Variants in WDR1 observed in about 807,000 individuals in gnomAD.
WDR1 encodes the protein WD repeat-containing protein 1.
A neutral mutation model predicts 71.9 loss-of-function variants in WDR1; 21 were observed. That is an observed-to-expected ratio of 0.29 (90% CI 0.21 to 0.42). The LOEUF (loss-of-function observed/expected upper bound fraction) is 0.42, where lower values mean the gene tolerates loss of function less well. Among genes scored for constraint, WDR1 ranks in the 10% least tolerant of loss-of-function variants. The pLI is 1.00. For synonymous variants in WDR1, 424 were observed against 347.4 expected (o/e 1.22, Z -2.45); for missense variants, 696 against 824.5 (o/e 0.84, Z 1.91).
At chr4:10,092,845 G>A (rs1712087358) in intron 5 of WDR1, 2 of 374,318 alleles carry the variant, frequency 5.3e-6, no homozygotes, top group Non-Finnish European at 5.4e-6. Flanking sequence ...CCGGCCCCCT[G>A]CCTCTGCCCC....
chr4:10,114,824 C>A (rs1436401861), intron 2 of WDR1, among the ~76,000 whole-genome samples: 1 of 152,162 alleles, frequency 6.6e-6, no homozygotes, highest in Admixed American at 6.5e-5. Context: ...ACCCGCCCAC[C>A]CCCTCATTTG....
At chr4:10,098,885 G>C in intron 4 of WDR1, 107 bp downstream of exon 4, 4 of 1,508,784 alleles carry the variant, frequency 2.7e-6, no homozygotes, top group African/African-American at 1.4e-5. Flanking sequence ...CAACCCTCAC[G>C]AGTGCAAGTT....
At position 10,097,723 on chromosome 4, in the gene WDR1, C is replaced by G; in HGVS notation, c.546G>C (p.Lys182Asn). Residue 182 changes from lysine (K) to asparagine (N), a missense_variant, in exon 5 of 15, where the codon AAG becomes AAC. Physicochemically the swap from Lys to Asn is moderately conservative, Grantham distance 94. Transcript: ENST00000499869. ...TAAGTTCACTTACGCCAATTGTGAACTTGAACTTGAATGGGGGTCCCTCAA... is the reference window on the plus strand; with the variant it reads ...TAAGTTCACTTACGCCAATTGTGAAGTTGAACTTGAATGGGGGTCCCTCAA... Reference protein sequence around the residue: ...AFFEGPPFKFKFTIGDHSRFV... With the variant: ...AFFEGPPFKFNFTIGDHSRFV... 1 of 1,608,164 alleles carries G rather than the reference C, an allele frequency of 6.2e-7. No individual in the cohort carries two copies. Among genetic ancestry groups the G allele is most frequent in the African/African-American group, 1.3e-5 (1 of 74,868 alleles).
chr4:10,097,299 T>C (rs1318785288), intron 5 of WDR1, among the ~76,000 whole-genome samples: 1 of 152,264 alleles, frequency 6.6e-6, no homozygotes, highest in African/African-American at 2.4e-5. Flanking sequence ...CCTCACTGTC[T>C]CTAGGAGAGA....
intron 2 of WDR1, among the ~76,000 whole-genome samples, chr4:10,112,835 C>A (rs577760534): frequency 6.6e-6 from 1 of 152,194 alleles, no homozygotes; most frequent in Non-Finnish European, 1.5e-5. Context: ...CTCTCTTAGG[C>A]GAGGACACGG....
At position 10,097,735 on chromosome 4, in the gene WDR1, T is replaced by C. The variant is rs745654462; in HGVS notation, c.534A>G (p.Pro178=). ...CGCCAATTGTGAACTTGAACTTGAATGGGGGTCCCTCAAAGAATGCCGCGC... is the reference window on the plus strand; with the variant it reads ...CGCCAATTGTGAACTTGAACTTGAACGGGGGTCCCTCAAAGAATGCCGCGC... ...DNCAAFFEGP[P]FKFKFTIGDH... is the part of the protein sequence containing the mutation. Residue 178 remains proline (P), a synonymous_variant, in exon 5 of 15, where the codon CCA becomes CCG. Coordinates refer to ENST00000499869, the MANE Select transcript of WDR1 (RefSeq NM_017491.5). The C allele has an allele frequency of 8.7e-6, 14 of 1,609,032 alleles. No homozygotes were observed. Among genetic ancestry groups the C allele is most frequent in the Non-Finnish European group, 1.2e-5 (14 of 1,177,562 alleles).
At chr4:10,076,716 C>G (rs1764808428) in intron 14 of WDR1, 1 of 152,288 alleles carries the variant, frequency 6.6e-6, no homozygotes, top group Admixed American at 6.5e-5. Context: ...AAAAGGATGT[C>G]TTCAAGGAGA....
At position 10,075,249 on chromosome 4, in the gene WDR1, G is replaced by C; in HGVS notation, c.*129C>G. 1 of 739,490 alleles carries C rather than the reference G, an allele frequency of 1.4e-6. No individual in the cohort carries two copies. The highest frequency in any genetic ancestry group is 2.3e-6 in the Non-Finnish European group (1 of 430,536). 45.8% of individuals were successfully genotyped at this position (739,490 alleles called of 1,614,324 possible). A position where few individuals can be genotyped will look rare whatever the true frequency, so the allele number is the denominator to read the frequency against. On this transcript the variant is annotated 3_prime_UTR_variant, in exon 15 of 15. Transcript: ENST00000499869. ...CCCTGCAGAGACGAGGGTCATGACTGGGCCCTCCTGCCTCTTGTGGTGGGG... is the reference window on the plus strand; with the variant it reads ...CCCTGCAGAGACGAGGGTCATGACTCGGCCCTCCTGCCTCTTGTGGTGGGG...
chr4:10,077,899 G>C lies in WDR1; in HGVS notation c.1423C>G (p.Leu475Val). The change falls in exon 13 of 15, where the codon CTG (leucine) becomes GTG (valine). Residue 475 changes from leucine to valine, a missense_variant. Physicochemically the swap from Leu to Val is conservative, Grantham distance 32. Coordinates refer to ENST00000499869, the MANE Select transcript of WDR1 (RefSeq NM_017491.5). ...CCCTCATCCTTCAGCGTGGTGCCCA[G>C]GATGGAATACAGGCGGACGTTGCCG... Reference protein sequence around the residue: ...VDGNVRLYSILGTTLKDEGKL... With the variant: ...VDGNVRLYSIVGTTLKDEGKL... 6.2e-7 allele frequency: 1 copy of C among 1,610,624 alleles called. No homozygotes were observed. Among genetic ancestry groups the C allele is most frequent in the Non-Finnish European group, 8.5e-7 (1 of 1,178,256 alleles).
At chr4:10,077,536 A>G (rs1764844726) in intron 13 of WDR1, 88 bp from the exon 14 acceptor site, 2 of 1,583,170 alleles carry the variant, frequency 1.3e-6, no homozygotes, top group African/African-American at 1.3e-5. Flanking sequence ...CATGGCGACA[A>G]TAAGGACCGA....
rs1711684426 is a variant in WDR1 at position 10,087,838 on chromosome 4, T to C, written c.820A>G (p.Met274Val). The C allele has an allele frequency of 3.2e-6, 5 of 1,578,904 alleles. No individual in the cohort carries two copies. The highest frequency in any genetic ancestry group is 4.3e-6 in the Non-Finnish European group (5 of 1,161,688). ...TGCTGGTCCAGAACCGTGGAGCCCA[T>C]GGGAAATGTGCTGACCACGGAGTTC... ...SVNSVVSTFPMGSTVLDQQLG... is the reference protein window; with the variant it reads ...SVNSVVSTFPVGSTVLDQQLG... Residue 274 changes from methionine (M) to valine (V), a missense_variant, in exon 8 of 15, where the codon ATG becomes GTG. Met to Val is a conservative substitution (Grantham distance 21). Coordinates refer to ENST00000499869, the MANE Select transcript of WDR1 (RefSeq NM_017491.5).
intron 10 of WDR1, among the ~76,000 whole-genome samples, chr4:10,082,261 G>T (rs1407819994): frequency 6.6e-6 from 1 of 152,220 alleles, no homozygotes; most frequent in Non-Finnish European, 1.5e-5. Context: ...ACACCTGCTA[G>T]GAGTTGCGTG....
chr4:10,077,861 C>T lies in WDR1; in HGVS notation c.1461G>A (p.Glu487=). The T allele has an allele frequency of 6.2e-7, 1 of 1,611,312 alleles. No homozygotes were observed. Among genetic ancestry groups the T allele is most frequent in the Non-Finnish European group, 8.5e-7 (1 of 1,178,800 alleles). Residue 487 remains glutamate, a synonymous_variant, in exon 13 of 15, where the codon GAG becomes GAA. Coordinates refer to ENST00000499869, the MANE Select transcript of WDR1 (RefSeq NM_017491.5). ...CCACGTCGGTCACGGGGCCCTTGGC[C>T]TCTAGGAGCTTGCCCTCATCCTTCA... The part of the protein sequence containing the change: ...TTLKDEGKLL[E]AKGPVTDVAY...
intron 2 of WDR1, chr4:10,115,871 C>G (rs1317652240): frequency 3.8e-6 from 2 of 521,324 alleles, no homozygotes. Flanking sequence ...TTTCAGGGTG[C>G]TATGACCGTA....
chr4:10,100,587 G>A (rs1227187273), intron 3 of WDR1, among the ~76,000 whole-genome samples: 1 of 152,206 alleles, frequency 6.6e-6, no homozygotes, highest in Non-Finnish European at 1.5e-5. Context: ...CAGTCCAGCT[G>A]CGGGGACAGG....
Position 10,077,828 on chromosome 4 carries a change from G to C in WDR1, c.1494C>G (p.Ser498=). Residue 498 remains serine (S), a synonymous_variant, in exon 13 of 15, where the codon TCC becomes TCG. Coordinates refer to ENST00000499869, the MANE Select transcript of WDR1 (RefSeq NM_017491.5). ...ACACCGCGAGGAAGGCGCCGTCGTG[G>C]GAGTAGGCCACGTCGGTCACGGGGC... ...AKGPVTDVAY[S]HDGAFLAVCD... 1 of 1,609,052 alleles carries C rather than the reference G, an allele frequency of 6.2e-7. No homozygotes were observed. The highest frequency in any genetic ancestry group is 8.5e-7 in the Non-Finnish European group (1 of 1,177,856).
chr4:10,077,544 C>T (rs1011865573), intron 13 of WDR1, 96 bp from the exon 14 acceptor site: 17 of 1,572,370 alleles, frequency 1.1e-5, no homozygotes, highest in East Asian at 6.7e-5. Context: ...CAATAAGGAC[C>T]GAGGTTTCTC....
At chr4:10,113,855 C>G (rs1203506266) in intron 2 of WDR1, among the ~76,000 whole-genome samples, 1 of 152,196 alleles carries the variant, frequency 6.6e-6, no homozygotes, top group Non-Finnish European at 1.5e-5. Flanking sequence ...GAACGGTGTT[C>G]CCTTTTAGGG....
Position 10,075,224 on chromosome 4 carries a change from C to G in WDR1, c.*154G>C. On this transcript the variant is annotated 3_prime_UTR_variant, in exon 15 of 15. Coordinates refer to ENST00000499869, the MANE Select transcript of WDR1 (RefSeq NM_017491.5). ...GCTTTCAGAAGAACGTGTACAGACA[C>G]CCTGCAGAGACGAGGGTCATGACTG... The G allele has an allele frequency of 1.6e-6, 1 of 642,864 alleles. No homozygotes were observed. Among genetic ancestry groups the G allele is most frequent in the Non-Finnish European group, 2.8e-6 (1 of 360,250 alleles). The allele number at this position is 642,864 out of a possible 1,614,324, so 39.8% of individuals were successfully genotyped here. A position where few individuals can be genotyped will look rare whatever the true frequency, so the allele number is the denominator to read the frequency against.
Sources: allele counts gnomAD v4.1 joint callset (sites outside exome capture counted in the v4.1 genomes callset), GRCh38; gene constraint gnomAD v4.1.1; transcripts MANE v1.5; gene names NCBI Gene and HGNC (gene_info 2026-07-23, HGNC 2026-07-21).